The following NBDY variants were observed in gnomAD, a reference collection of about 807,000 sequenced individuals.
NBDY encodes the protein negative regulator of P-body association, also known as P-body dissociating protein.
chrX:56,766,410 T>C (rs1245051453), intron 2 of NBDY, among the ~76,000 whole-genome samples: 2 of 110,524 alleles, frequency 1.8e-5, no homozygotes, highest in Non-Finnish European at 3.8e-5. Flanking sequence ...AGAAATAAAA[T>C]CACAAACACA....
intron 2 of NBDY, among the ~76,000 whole-genome samples, chrX:56,741,694 A>AT (rs780047335): frequency 9.0e-5 from 10 of 111,063 alleles, no homozygotes; most frequent in Admixed American, 4.8e-4. Context: ...AAATTATTAG[A>AT]TTTTTTCCTA....
chrX:56,755,571 C>T (rs1417967799), intron 2 of NBDY, among the ~76,000 whole-genome samples: 1 of 111,950 alleles, frequency 8.9e-6, no homozygotes, highest in African/African-American at 3.2e-5. Flanking sequence ...CAGAGAAATG[C>T]AAATCAAAAC....
chrX:56,797,944 C>G (rs759160804), intron 2 of NBDY, among the ~76,000 whole-genome samples: 4 of 112,167 alleles, frequency 3.6e-5, no homozygotes, highest in African/African-American at 6.5e-5. Flanking sequence ...CACACTGACA[C>G]ATAAAGTCAC....
intron 2 of NBDY, among the ~76,000 whole-genome samples, chrX:56,816,031 C>A (rs1281716606): frequency 1.8e-5 from 2 of 111,147 alleles, no homozygotes; most frequent in Admixed American, 1.9e-4. Flanking sequence ...ATAAAACATG[C>A]AAATTTTATA....
intron 2 of NBDY, among the ~76,000 whole-genome samples, chrX:56,790,129 G>A (rs2069753317): frequency 8.9e-6 from 1 of 112,365 alleles, no homozygotes; most frequent in Non-Finnish European, 1.9e-5. Flanking sequence ...AGCCTCACTT[G>A]GGCCATCATA....
chrX:56,798,553 C>T (rs1186664651), intron 2 of NBDY, among the ~76,000 whole-genome samples: 4 of 112,081 alleles, frequency 3.6e-5, no homozygotes, highest in African/African-American at 1.3e-4. Flanking sequence ...CGGTAAACTA[C>T]CTAGAGCCTT....
At chrX:56,785,308 C>T (rs1013480974) in intron 2 of NBDY, among the ~76,000 whole-genome samples, 1 of 111,510 alleles carries the variant, frequency 9.0e-6, no homozygotes, top group African/African-American at 3.3e-5. Context: ...AAGATTTGGA[C>T]TGTGTCTTTG....
At chrX:56,799,457 C>G (rs1183723018) in intron 2 of NBDY, among the ~76,000 whole-genome samples, 1 of 113,395 alleles carries the variant, frequency 8.8e-6, no homozygotes, top group African/African-American at 3.2e-5. Flanking sequence ...GGCTGCCAGA[C>G]TGTTCTGTCC....
At chrX:56,760,456 C>T in intron 2 of NBDY, among the ~76,000 whole-genome samples, 1 of 112,646 alleles carries the variant, frequency 8.9e-6, no homozygotes, top group African/African-American at 3.2e-5. Context: ...GAAGCCGAGG[C>T]AGGCAGATCA....
chrX:56,815,677 C>G (rs938905604), intron 2 of NBDY, among the ~76,000 whole-genome samples: 1 of 111,906 alleles, frequency 8.9e-6, no homozygotes, highest in Non-Finnish European at 1.9e-5. Flanking sequence ...TTGGTGGACA[C>G]ATTTGCTGGA....
intron 1 of NBDY, among the ~76,000 whole-genome samples, chrX:56,731,715 T>C (rs1258523916): frequency 8.9e-6 from 1 of 112,265 alleles, no homozygotes; most frequent in African/African-American, 3.2e-5. Context: ...CAATATTTAC[T>C]GAAGATTTAT....
At chrX:56,753,938 AG>A (rs1215004567) in intron 2 of NBDY, among the ~76,000 whole-genome samples, 2 of 111,533 alleles carry the variant, frequency 1.8e-5, no homozygotes, top group Non-Finnish European at 3.8e-5. Flanking sequence ...GGGTGAAGAT[AG>A]GGAAGACATT....
At chrX:56,815,744 TTAAA>T (rs1285143480) in intron 2 of NBDY, among the ~76,000 whole-genome samples, 1 of 112,114 alleles carries the variant, frequency 8.9e-6, no homozygotes, top group African/African-American at 3.2e-5. Context: ...TGAGATATTA[TTAAA>T]TAAATAAAAC....
chrX:56,731,215 G>T, intron 1 of NBDY, among the ~76,000 whole-genome samples: 1 of 110,358 alleles, frequency 9.1e-6, no homozygotes. Context: ...ATTCAAAGGG[G>T]TAGTGGAGTG....
At chrX:56,806,345 T>A (rs1225452904) in intron 2 of NBDY, among the ~76,000 whole-genome samples, 1 of 111,934 alleles carries the variant, frequency 8.9e-6, no homozygotes, top group African/African-American at 3.3e-5. Flanking sequence ...AGTAATAAGA[T>A]TGATGAGTCA....
chrX:56,759,716 A>G (rs1403335949), intron 2 of NBDY, among the ~76,000 whole-genome samples: 1 of 111,422 alleles, frequency 9.0e-6, no homozygotes, highest in African/African-American at 3.3e-5. Flanking sequence ...AAGCAGGAGG[A>G]GAGAGGAACT....
intron 2 of NBDY, among the ~76,000 whole-genome samples, chrX:56,810,070 G>A (rs1375363936): frequency 1.7e-5 from 1 of 57,788 alleles, no homozygotes; most frequent in Non-Finnish European, 5.3e-5. Flanking sequence ...TAAGAATGTT[G>A]AATATTGGCC....
intron 2 of NBDY, among the ~76,000 whole-genome samples, chrX:56,758,443 G>A (rs940754326): frequency 1.8e-5 from 2 of 111,682 alleles, no homozygotes; most frequent in African/African-American, 6.5e-5. Context: ...AGGACAGGAC[G>A]AGACAGACTA....
chrX:56,781,302 G>A (rs1022555187), intron 2 of NBDY, among the ~76,000 whole-genome samples: 10 of 111,612 alleles, frequency 9.0e-5, no homozygotes, highest in Non-Finnish European at 1.9e-4. Flanking sequence ...AAGCTTTCAC[G>A]TTCCCTCCTG....
Sources: gnomAD v4.1 joint callset for allele counts (sites outside exome capture counted in the v4.1 genomes callset) on GRCh38, gnomAD v4.1.1 for gene constraint, MANE v1.5 for transcripts, NCBI Gene and HGNC (gene_info 2026-07-23, HGNC 2026-07-21) for gene names.